The following SLC22A3 variants were observed in gnomAD, a reference collection of about 807,000 sequenced individuals.
The protein encoded by SLC22A3 is EMT organic cation transporter 3.
A neutral mutation model predicts 59.1 loss-of-function variants in SLC22A3; 51 were observed. The ratio of observed to expected loss-of-function variants is 0.86; its 90% CI spans 0.69 to 1.09. SLC22A3 has a LOEUF of 1.09. Ranked by LOEUF, SLC22A3 falls within the 50% of genes least tolerant of loss-of-function variation. The pLI is 0.00. For missense variants in SLC22A3, 711 were observed against 726.3 expected, an observed-to-expected ratio of 0.98 and a Z score of 0.24; for synonymous variants, 325 against 292.0, an observed-to-expected ratio of 1.11 and a Z score of -1.15.
chr6:160,437,100 G>C lies in SLC22A3; in HGVS notation c.1177G>C (p.Gly393Arg), dbSNP rs1788368716. 1 of 1,614,046 alleles carries C rather than the reference G, an allele frequency of 6.2e-7. No homozygotes were observed. Among genetic ancestry groups the C allele is most frequent in the Non-Finnish European group, 8.5e-7 (1 of 1,180,018 alleles). Residue 393 changes from glycine to arginine, a missense_variant, in exon 7 of 11, where the codon GGA becomes CGA. Coordinates refer to ENST00000275300, the MANE Select transcript of SLC22A3 (RefSeq NM_021977.4). ...CATCTCGGGCGTGGTGGAACTGCCA[G>C]GAGCTCTCTTGATCTTACTAACCAT... is the stretch of plus-strand genomic sequence containing the variant. Reference protein sequence around the residue: ...FFISGVVELPGALLILLTIER... With the variant: ...FFISGVVELPRALLILLTIER...
In SLC22A3 at chr6:160,443,674, G is replaced by T; in HGVS notation, c.1442G>T (p.Gly481Val). Residue 481 changes from glycine to valine, a missense_variant, in exon 9 of 11, where the codon GGA becomes GTA. Transcript: ENST00000275300. ...TGTTCAGGTCTGTGTGATTTTGGGGGAATCATAGCCCCATTTCTGCTCTTT... is the reference window on the plus strand; with the variant it reads ...TGTTCAGGTCTGTGTGATTTTGGGGTAATCATAGCCCCATTTCTGCTCTTT... ...SLCSGLCDFG[G>V]IIAPFLLFRL... 1 of 1,613,906 alleles carries T rather than the reference G, an allele frequency of 6.2e-7. No individual in the cohort carries two copies. The highest frequency in any genetic ancestry group is 8.5e-7 in the Non-Finnish European group (1 of 1,179,906).
At chr6:160,378,260 T>G (rs992470715) in intron 1 of SLC22A3, among the ~76,000 whole-genome samples, 1 of 152,236 alleles carries the variant, frequency 6.6e-6, no homozygotes, top group African/African-American at 2.4e-5. Flanking sequence ...CACATTAAAC[T>G]GGGAAAATAC....
At chr6:160,445,904 G>A (rs907987807) in intron 9 of SLC22A3, among the ~76,000 whole-genome samples, 63 of 152,202 alleles carry the variant, frequency 4.1e-4, no homozygotes, top group Admixed American at 3.5e-3. Flanking sequence ...GCTCAACACC[G>A]CTGAGCTCAG....
chr6:160,367,933 T>G (rs887990042), intron 1 of SLC22A3, among the ~76,000 whole-genome samples: 1 of 152,138 alleles, frequency 6.6e-6, no homozygotes. Context: ...CTGGCCCAGT[T>G]CTTCAGCCCA....
intron 5 of SLC22A3, among the ~76,000 whole-genome samples, chr6:160,427,251 C>T (rs1787997806): frequency 2.0e-5 from 3 of 152,274 alleles, no homozygotes; most frequent in East Asian, 1.9e-4. Flanking sequence ...GCTCCATTTT[C>T]CTGAGAAAAG....
At chr6:160,433,208 A>C (rs908981884) in intron 5 of SLC22A3, among the ~76,000 whole-genome samples, 3 of 152,176 alleles carry the variant, frequency 2.0e-5, no homozygotes, top group Non-Finnish European at 4.4e-5. Context: ...AATACATAAG[A>C]TCTTTATTTT....
chr6:160,394,373 CT>C (rs1786386335), intron 1 of SLC22A3, among the ~76,000 whole-genome samples: 1 of 152,230 alleles, frequency 6.6e-6, no homozygotes, highest in African/African-American at 2.4e-5. Context: ...GCTAATCTCT[CT>C]TTAAACACGA....
Position 160,348,497 on chromosome 6 carries a change from C to T in SLC22A3, c.78C>T (p.Cys26=). 1 of 1,561,974 alleles carries T rather than the reference C, an allele frequency of 6.4e-7. No homozygotes were observed. Among genetic ancestry groups the T allele is most frequent in the South Asian group, 1.2e-5 (1 of 86,834 alleles). Residue 26 remains cysteine, a synonymous_variant, in exon 1 of 11, where the codon TGC becomes TGT. Transcript: ENST00000275300. ...AGAGGCGCGTGTTTTTGCTGCTGTGCCTGACGGGCGTCACCTTCGCCTTCC... is the reference window on the plus strand; with the variant it reads ...AGAGGCGCGTGTTTTTGCTGCTGTGTCTGACGGGCGTCACCTTCGCCTTCC... The part of the protein sequence containing the change: ...RFQRRVFLLL[C]LTGVTFAFLF...
chr6:160,432,492 G>A (rs1031063469), intron 5 of SLC22A3, among the ~76,000 whole-genome samples: 6 of 148,064 alleles, frequency 4.1e-5, no homozygotes, highest in Non-Finnish European at 7.4e-5. Flanking sequence ...GCAATGGCAC[G>A]ATCTCGGCTC....
intron 1 of SLC22A3, among the ~76,000 whole-genome samples, chr6:160,355,640 C>T (rs929760307): frequency 2.0e-5 from 3 of 151,278 alleles, no homozygotes; most frequent in South Asian, 2.1e-4. Context: ...GGCATGGTGG[C>T]GGCTGCCTGT....
chr6:160,349,886 T>G (rs501470), intron 1 of SLC22A3, among the ~76,000 whole-genome samples: 76,348 of 152,116 alleles, frequency 0.5, 19,499 homozygotes, highest in African/African-American at 0.59. Context: ...TTGTCTTTTT[T>G]TTGTGATAAA....
chr6:160,378,854 T>C (rs1480951683), intron 1 of SLC22A3, among the ~76,000 whole-genome samples: 1 of 152,228 alleles, frequency 6.6e-6, no homozygotes, highest in African/African-American at 2.4e-5. Context: ...TTGTTTCCCC[T>C]TGTGATCGCA....
At chr6:160,443,357 A>G (rs1226229165) in intron 8 of SLC22A3, among the ~76,000 whole-genome samples, 1 of 152,208 alleles carries the variant, frequency 6.6e-6, no homozygotes, top group African/African-American at 2.4e-5. Flanking sequence ...TGAGGAAACC[A>G]AAGTAGCACA....
At chr6:160,372,747 G>A (rs1000332797) in intron 1 of SLC22A3, among the ~76,000 whole-genome samples, 1 of 151,938 alleles carries the variant, frequency 6.6e-6, no homozygotes, top group Non-Finnish European at 1.5e-5. Flanking sequence ...TCATTAAGTT[G>A]ATATTCAATC....
intron 1 of SLC22A3, among the ~76,000 whole-genome samples, chr6:160,382,057 G>C (rs1411232306): frequency 6.6e-6 from 1 of 152,126 alleles, no homozygotes; most frequent in Non-Finnish European, 1.5e-5. Context: ...ATATTATCTT[G>C]TAGGTATTGT....
In SLC22A3 at chr6:160,408,831, T is replaced by C; in HGVS notation, c.767T>C (p.Ile256Thr). The change falls in exon 4 of 11, where the codon ATT (isoleucine) becomes ACT (threonine). Residue 256 changes from isoleucine (I) to threonine (T), a missense_variant. Coordinates refer to ENST00000275300, the MANE Select transcript of SLC22A3 (RefSeq NM_021977.4). ...IQMFFTLGII[I>T]LPGIAYFIPN... ...ATGTTCTTTACCCTTGGAATCATAATTCTCCCTGGAATTGCCTACTTCATC... is the reference window on the plus strand; with the variant it reads ...ATGTTCTTTACCCTTGGAATCATAACTCTCCCTGGAATTGCCTACTTCATC... 6.2e-7 allele frequency: 1 copy of C among 1,613,804 alleles called. No individual in the cohort carries two copies. The highest frequency in any genetic ancestry group is 1.7e-4 in the Middle Eastern group (1 of 6,056).
chr6:160,437,739 G>A (rs1390089696), intron 7 of SLC22A3, among the ~76,000 whole-genome samples: 2 of 152,204 alleles, frequency 1.3e-5, no homozygotes, highest in African/African-American at 4.8e-5. Context: ...ATAGATTGGG[G>A]AGGAGTGATC....
At chr6:160,375,923 C>G (rs1785572706) in intron 1 of SLC22A3, among the ~76,000 whole-genome samples, 1 of 151,848 alleles carries the variant, frequency 6.6e-6, no homozygotes, top group South Asian at 2.1e-4. Context: ...GTTTTTAAAC[C>G]CTCTAAGTCT....
Position 160,419,251 on chromosome 6 carries a change from A to C in SLC22A3, c.975+8405A>C, listed in dbSNP as rs554355970. Reference sequence around the variant, plus strand: ...TCTATAATTTAATGAGCAGTCACACAAACACCAATATTGCTACAGAAAGGG... The same window carrying C: ...TCTATAATTTAATGAGCAGTCACACCAACACCAATATTGCTACAGAAAGGG... On this transcript the variant is annotated intron_variant, in intron 5 of 10. Transcript: ENST00000275300. Among the ~76,000 whole-genome samples, 11 of 152,348 alleles carry C rather than the reference A, an allele frequency of 7.2e-5. No homozygotes were observed. The East Asian group carries it at 1.9e-3, about 27-fold the overall frequency.
Sources: allele counts gnomAD v4.1 joint callset (sites outside exome capture counted in the v4.1 genomes callset), GRCh38; gene constraint gnomAD v4.1.1; transcripts MANE v1.5; gene names NCBI Gene and HGNC (gene_info 2026-07-23, HGNC 2026-07-21).